The following RALYL variants were observed in gnomAD, a reference collection of about 807,000 sequenced individuals.
The protein encoded by RALYL is RALY RNA binding protein like, also known as RNA-binding Raly-like protein.
A neutral mutation model predicts 35.1 loss-of-function variants in RALYL; 29 were observed. The ratio of observed to expected loss-of-function variants is 0.83; its 90% CI spans 0.61 to 1.13. RALYL has a LOEUF of 1.13. RALYL is among the 50% of genes most tolerant of loss of function. RALYL has a pLI of 0.00. For missense variants in RALYL, 359 were observed against 360.4 expected (o/e 1.00, Z 0.03); for synonymous variants, 120 against 127.6 (o/e 0.94, Z 0.40).
At chr8:84,620,424 A>C (rs1156978214) in intron 2 of RALYL, among the ~76,000 whole-genome samples, 1 of 151,732 alleles carries the variant, frequency 6.6e-6, no homozygotes, top group East Asian at 1.9e-4. Flanking sequence ...GTAGTTCTCG[A>C]GCCTTGGTTT....
At chr8:84,572,674 G>A (rs1448227974) in intron 2 of RALYL, among the ~76,000 whole-genome samples, 1 of 151,750 alleles carries the variant, frequency 6.6e-6, no homozygotes, top group Non-Finnish European at 1.5e-5. Flanking sequence ...AGATTTTGAA[G>A]AGAATTCTGA....
chr8:84,906,600 C>A (rs1293798227), intron 8 of RALYL, among the ~76,000 whole-genome samples: 1 of 151,726 alleles, frequency 6.6e-6, no homozygotes, highest in African/African-American at 2.4e-5. Context: ...CATACCTCAA[C>A]AGACAAAATC....
chr8:84,731,222 A>G (rs1846119387), intron 2 of RALYL, among the ~76,000 whole-genome samples: 1 of 152,164 alleles, frequency 6.6e-6, no homozygotes, highest in Non-Finnish European at 1.5e-5. Flanking sequence ...CAGAGTCTGT[A>G]GAATAGGAGG....
intron 1 of RALYL, among the ~76,000 whole-genome samples, chr8:84,477,457 A>G (rs1218547335): frequency 6.7e-6 from 1 of 149,474 alleles, no homozygotes; most frequent in Non-Finnish European, 1.5e-5. Flanking sequence ...AGTGAATATG[A>G]TAGAGAACTG....
In RALYL at chr8:84,726,665, A is replaced by C. The variant is rs148111298; in HGVS notation, c.257-47914A>C. ...TGTAGAGAGAATCTATTACTCTTAC[A>C]TGGAGGCAATTTCCAATAATTTGCT... On this transcript the variant is annotated intron_variant, in intron 2 of 8. Coordinates refer to ENST00000521268, the MANE Select transcript of RALYL (RefSeq NM_173848.7). Among the ~76,000 whole-genome samples the C allele has an allele frequency of 3.0e-4, 45 of 150,218 alleles. No individual in the cohort carries two copies. In the East Asian group the frequency reaches 7.7e-3, roughly 26 times the overall value.
chr8:84,264,811 G>A (rs1832982225), intron 1 of RALYL, among the ~76,000 whole-genome samples: 1 of 152,138 alleles, frequency 6.6e-6, no homozygotes, highest in South Asian at 2.1e-4. Context: ...TATATCTTCA[G>A]TAGTTTCTTT....
intron 1 of RALYL, among the ~76,000 whole-genome samples, chr8:84,385,109 T>C (rs1331115707): frequency 6.6e-6 from 1 of 151,834 alleles, no homozygotes; most frequent in East Asian, 1.9e-4. Context: ...CTTTTCTAGA[T>C]GTGCAGTATA....
intron 2 of RALYL, among the ~76,000 whole-genome samples, chr8:84,685,250 A>G (rs1408737792): frequency 6.6e-6 from 1 of 152,108 alleles, no homozygotes; most frequent in African/African-American, 2.4e-5. Context: ...AGTGGGTTTG[A>G]ATGGTCATTT....
chr8:84,338,862 A>G (rs1848281660), intron 1 of RALYL, among the ~76,000 whole-genome samples: 1 of 152,144 alleles, frequency 6.6e-6, no homozygotes, highest in Admixed American at 6.6e-5. Context: ...ATTTTCCAAA[A>G]GAGTTTTATT....
intron 2 of RALYL, 36 bp from the exon 3 acceptor site, chr8:84,774,543 T>G: frequency 7.3e-7 from 1 of 1,368,034 alleles, no homozygotes; most frequent in South Asian, 1.3e-5. Context: ...GGTTTCGTAT[T>G]TTCTTAATCA....
rs184576933 is a variant in RALYL, at chr8:84,792,621, G to C, written c.333-12149G>C. ...CCTTCGCTGGGGAACCACCTTCTTC[G>C]ACCCAGTACTCCCGTGTGTTCTGTC... On this transcript the variant is annotated intron_variant, in intron 3 of 8. Transcript: ENST00000521268. Among the ~76,000 whole-genome samples, 224 of 152,258 alleles carry C rather than the reference G, an allele frequency of 1.5e-3. 2 individuals are homozygous for C. Among genetic ancestry groups the C allele is most frequent in the Non-Finnish European group, 2.0e-3 (135 of 68,018 alleles).
chr8:84,470,921 C>T (rs1468880976), intron 1 of RALYL, among the ~76,000 whole-genome samples: 1 of 152,224 alleles, frequency 6.6e-6, no homozygotes, highest in African/African-American at 2.4e-5. Flanking sequence ...AGGAGCTCAC[C>T]CTCCCTGAAA....
chr8:84,203,250 C>A (rs939702005), intron 1 of RALYL, among the ~76,000 whole-genome samples: 5 of 151,810 alleles, frequency 3.3e-5, no homozygotes, highest in South Asian at 2.1e-4. Context: ...TGAAAAGAAC[C>A]ATTTGGTGTC....
chr8:84,542,393 A>G (rs1356483327), intron 2 of RALYL, among the ~76,000 whole-genome samples: 1 of 152,106 alleles, frequency 6.6e-6, no homozygotes, highest in African/African-American at 2.4e-5. Flanking sequence ...AATTTCTTAA[A>G]TAACCACAAT....
At chr8:84,604,034 C>G (rs1010911789) in intron 2 of RALYL, among the ~76,000 whole-genome samples, 2 of 152,050 alleles carry the variant, frequency 1.3e-5, no homozygotes, top group Non-Finnish European at 2.9e-5. Flanking sequence ...GAACCAATGA[C>G]TTGAATACTT....
chr8:84,341,327 T>C (rs1278385506), intron 1 of RALYL, among the ~76,000 whole-genome samples: 1 of 151,928 alleles, frequency 6.6e-6, no homozygotes, highest in Non-Finnish European at 1.5e-5. Context: ...TGCTCTTAAC[T>C]GGGTGAAGCG....
chr8:84,665,810 T>C (rs1564337073), intron 2 of RALYL: 1 of 152,044 alleles, frequency 6.6e-6, no homozygotes, highest in Non-Finnish European at 1.5e-5. Flanking sequence ...GCAGGGGCCA[T>C]GCTACTCTTC....
chr8:84,906,916 C>T (rs1587133629), intron 8 of RALYL: 2 of 981,978 alleles, frequency 2.0e-6, no homozygotes, highest in South Asian at 4.7e-5. Flanking sequence ...TCTAAACCTT[C>T]GCTGTCTTTA....
chr8:84,617,469 T>G (rs1820045763), intron 2 of RALYL, among the ~76,000 whole-genome samples: 2 of 149,808 alleles, frequency 1.3e-5, no homozygotes, highest in Non-Finnish European at 2.9e-5. Context: ...CTGAAGTTGC[T>G]TATCAGCTTA....
Sources: allele counts gnomAD v4.1 joint callset (sites outside exome capture counted in the v4.1 genomes callset), GRCh38; gene constraint gnomAD v4.1.1; transcripts MANE v1.5; gene names NCBI Gene and HGNC (gene_info 2026-07-23, HGNC 2026-07-21).